The following NRXN1 variants were observed in gnomAD, a reference collection of about 807,000 sequenced individuals.
NRXN1 encodes neurexin 1.
A neutral mutation model predicts 150.9 loss-of-function variants in NRXN1; 39 were observed. The observed-to-expected ratio is 0.26, with a 90% CI of 0.20 to 0.34. The LOEUF (loss-of-function observed/expected upper bound fraction) is 0.34, where lower values mean the gene tolerates loss of function less well. Ranked by LOEUF, NRXN1 falls within the 10% of genes least tolerant of loss-of-function variation. The pLI is 1.00. For missense variants in NRXN1, 1,815 were observed against 1,949.9 expected, an observed-to-expected ratio of 0.93 and a Z score of 1.30; for synonymous variants, 924 against 757.0, an observed-to-expected ratio of 1.22 and a Z score of -3.62.
chr2:51,018,486 T>C (rs62143023), intron 2 of NRXN1, among the ~76,000 whole-genome samples: 11,902 of 152,194 alleles, frequency 0.078, 521 homozygotes, highest in South Asian at 0.12. Flanking sequence ...CCTGAAATAG[T>C]ACAGGGCATT....
At chr2:50,749,601 T>C (rs971894358) in intron 5 of NRXN1, among the ~76,000 whole-genome samples, 15 of 152,068 alleles carry the variant, frequency 9.9e-5, no homozygotes, top group East Asian at 1.9e-4. Flanking sequence ...TGTTCATCTT[T>C]TAAAAATTCA....
At chr2:50,344,821 TG>T (rs2152995805) in intron 17 of NRXN1, among the ~76,000 whole-genome samples, 1 of 152,256 alleles carries the variant, frequency 6.6e-6, no homozygotes, top group African/African-American at 2.4e-5. Flanking sequence ...AAGGAGAAGT[TG>T]CATATGAGAT....
At chr2:50,910,446 C>G (rs1684361264) in intron 5 of NRXN1, among the ~76,000 whole-genome samples, 2 of 151,952 alleles carry the variant, frequency 1.3e-5, no homozygotes, top group Admixed American at 1.3e-4. Context: ...GGCCAGATAA[C>G]TTTCCCAAAG....
At chr2:50,268,882 C>T (rs1226346744) in intron 17 of NRXN1, among the ~76,000 whole-genome samples, 1 of 152,144 alleles carries the variant, frequency 6.6e-6, no homozygotes, top group Non-Finnish European at 1.5e-5. Context: ...CTCTGAGTTG[C>T]AAACGCAGTT....
chr2:50,363,665 T>C (rs1446932783), intron 17 of NRXN1, among the ~76,000 whole-genome samples: 2 of 152,180 alleles, frequency 1.3e-5, no homozygotes, highest in Non-Finnish European at 2.9e-5. Flanking sequence ...AGTTCAACCA[T>C]TGTGGAAGAC....
chr2:50,373,666 G>GA (rs879456009), intron 17 of NRXN1, among the ~76,000 whole-genome samples: 2,341 of 101,150 alleles, frequency 0.023, 44 homozygotes, highest in African/African-American at 0.068. Context: ...AAGAAAGAAA[G>GA]AAAGAAAGAA....
intron 2 of NRXN1, among the ~76,000 whole-genome samples, chr2:51,004,551 G>C (rs1700468030): frequency 6.6e-6 from 1 of 151,928 alleles, no homozygotes; most frequent in Admixed American, 6.6e-5. Flanking sequence ...GCTGAGACAG[G>C]AGAATCGCTT....
intron 22 of NRXN1, among the ~76,000 whole-genome samples, chr2:49,936,579 A>C (rs955233734): frequency 1.3e-5 from 2 of 152,150 alleles, no homozygotes; most frequent in African/African-American, 2.4e-5. Context: ...ATTTCCCAAG[A>C]CCAGGAAAGG....
chr2:50,919,979 C>A, intron 5 of NRXN1: 1 of 384,586 alleles, frequency 2.6e-6, no homozygotes, highest in South Asian at 2.0e-5. Context: ...TGTATTTCTG[C>A]TCTAGAATAT....
chr2:50,788,592 T>TGA (rs943651194), intron 5 of NRXN1, among the ~76,000 whole-genome samples: 3 of 151,408 alleles, frequency 2.0e-5, no homozygotes, highest in East Asian at 1.9e-4. Flanking sequence ...CATGTGCGTG[T>TGA]GAGAGAGAGA....
chr2:50,286,523 C>G (rs2072201821), intron 17 of NRXN1, among the ~76,000 whole-genome samples: 1 of 152,060 alleles, frequency 6.6e-6, no homozygotes, highest in Non-Finnish European at 1.5e-5. Flanking sequence ...AAAAAATATT[C>G]ATTCATCCAT....
chr2:50,839,585 G>C (rs1274112746), intron 5 of NRXN1, among the ~76,000 whole-genome samples: 1 of 152,064 alleles, frequency 6.6e-6, no homozygotes, highest in East Asian at 1.9e-4. Flanking sequence ...TGCATCTCTA[G>C]CATCTAGGGC....
chr2:50,853,422 T>C (rs1437894023), intron 5 of NRXN1, among the ~76,000 whole-genome samples: 1 of 152,142 alleles, frequency 6.6e-6, no homozygotes, highest in Non-Finnish European at 1.5e-5. Flanking sequence ...TCTGTATCCA[T>C]GTCACAAGTT....
chr2:50,321,351 G>C (rs1251999964), intron 17 of NRXN1, among the ~76,000 whole-genome samples: 5 of 152,122 alleles, frequency 3.3e-5, no homozygotes, highest in African/African-American at 1.2e-4. Flanking sequence ...TTATGTTGTT[G>C]AATGCAGTAT....
chr2:50,241,030 T>A (rs142901750), intron 17 of NRXN1, among the ~76,000 whole-genome samples: 12 of 151,826 alleles, frequency 7.9e-5, no homozygotes, highest in African/African-American at 2.9e-4. Flanking sequence ...GTAATTTTTA[T>A]TAATATTTTC....
At chr2:50,739,061 T>C (rs1699109548) in intron 5 of NRXN1, among the ~76,000 whole-genome samples, 1 of 152,164 alleles carries the variant, frequency 6.6e-6, no homozygotes, top group Non-Finnish European at 1.5e-5. Context: ...GAATTTTACC[T>C]ACAAAGAAAT....
chr2:50,822,712 T>A (rs1034831108), intron 5 of NRXN1, among the ~76,000 whole-genome samples: 13 of 152,250 alleles, frequency 8.5e-5, no homozygotes, highest in African/African-American at 2.2e-4. Context: ...TCTTCAAACA[T>A]TAAATCCTCG....
intron 5 of NRXN1, among the ~76,000 whole-genome samples, chr2:50,790,228 C>T (rs886824674): frequency 9.9e-5 from 15 of 152,126 alleles, no homozygotes; most frequent in African/African-American, 3.6e-4. Flanking sequence ...TCTTGCAACT[C>T]TTCCCACTTA....
At chr2:50,983,626 T>C (rs923124654) in intron 2 of NRXN1, among the ~76,000 whole-genome samples, 2 of 152,110 alleles carry the variant, frequency 1.3e-5, no homozygotes, top group Non-Finnish European at 2.9e-5. Context: ...TTTGCCTACA[T>C]ACACATATTA....
Sources: gnomAD v4.1 joint callset for allele counts (sites outside exome capture counted in the v4.1 genomes callset) on GRCh38, gnomAD v4.1.1 for gene constraint, MANE v1.5 for transcripts, NCBI Gene and HGNC (gene_info 2026-07-23, HGNC 2026-07-21) for gene names.